TOX2: variants seen among roughly 807,000 people sequenced by gnomAD.
TOX2 encodes the protein granulosa cell HMG box 1.
A neutral mutation model predicts 47.4 loss-of-function variants in TOX2; 15 were observed. The ratio of observed to expected loss-of-function variants is 0.32; its 90% CI spans 0.21 to 0.49. The LOEUF (loss-of-function observed/expected upper bound fraction) is 0.49. Among genes scored for constraint, TOX2 ranks in the 20% least tolerant of loss-of-function variants. The pLI, the probability that TOX2 is intolerant of heterozygous loss-of-function variation, is 0.99. For missense variants in TOX2, 622 were observed against 673.1 expected (o/e 0.92, Z 0.84); for synonymous variants, 290 against 296.6 (o/e 0.98, Z 0.23).
chr20:43,932,499 T>C (rs1484743823), intron 1 of TOX2, among the ~76,000 whole-genome samples: 1 of 152,172 alleles, frequency 6.6e-6, no homozygotes, highest in African/African-American at 2.4e-5. Context: ...AAAAAATGAA[T>C]TAGGACGATT....
chr20:44,068,803 A>C lies in TOX2; in HGVS notation c.*117A>C. ...GGGTGGCCCATCGGAGAGAGCAGTG[A>C]CACACCCATTGCCCGGGGGCTGAGT... On this transcript the variant is annotated 3_prime_UTR_variant, in exon 9 of 9. Transcript: ENST00000341197. The C allele has an allele frequency of 7.2e-7, 1 of 1,382,460 alleles. No individual in the cohort carries two copies. The highest frequency in any genetic ancestry group is 1.0e-6 in the Non-Finnish European group (1 of 989,322). 85.6% of individuals were successfully genotyped at this position (1,382,460 alleles called of 1,614,324 possible).
intron 2 of TOX2, among the ~76,000 whole-genome samples, chr20:43,977,523 A>G (rs573523197): frequency 4.8e-4 from 73 of 152,180 alleles, no homozygotes; most frequent in African/African-American, 1.7e-3. Flanking sequence ...TAGGGTATGT[A>G]TTAGCTGACT....
intron 1 of TOX2, among the ~76,000 whole-genome samples, chr20:43,921,106 GCA>G (rs2069108501): frequency 6.6e-6 from 1 of 152,216 alleles, no homozygotes; most frequent in Non-Finnish European, 1.5e-5. Flanking sequence ...CCCCGCAGAG[GCA>G]CAGAGTCTTT....
chr20:43,949,709 G>A (rs1343558939), intron 1 of TOX2, among the ~76,000 whole-genome samples: 2 of 152,126 alleles, frequency 1.3e-5, no homozygotes, highest in Non-Finnish European at 1.5e-5. Flanking sequence ...GTGTGGTCAC[G>A]ACATCCACGG....
rs1385804520 is a variant in TOX2, at chr20:43,915,729, C to T, written c.99+739C>T. ...TTACTAATTGGCCGTCACTGCCTGG[C>T]GGGGCCTCGGATTCCGAGTAGGCTG... On this transcript the variant is annotated intron_variant, in intron 1 of 8. Transcript: ENST00000341197. This position sits in a 1 kb window ranked among gnomAD's most constrained non-coding sequence, Gnocchi z 7.1. Among the ~76,000 whole-genome samples, 1 of 152,252 alleles carries T rather than the reference C, an allele frequency of 6.6e-6. No individual in the cohort carries two copies. The highest frequency in any genetic ancestry group is 1.5e-5 in the Non-Finnish European group (1 of 68,042).
intron 3 of TOX2, among the ~76,000 whole-genome samples, chr20:44,012,713 G>A (rs965187065): frequency 2.0e-5 from 3 of 152,176 alleles, no homozygotes; most frequent in African/African-American, 7.2e-5. Context: ...AGGAAAATGG[G>A]TAGAATTGTT....
Position 44,054,379 on chromosome 20 carries a change from T to C in TOX2, c.732T>C (p.Asn244=). 5 of 1,612,194 alleles carry C rather than the reference T, an allele frequency of 3.1e-6. No homozygotes were observed. Among genetic ancestry groups the C allele is most frequent in the Non-Finnish European group, 4.2e-6 (5 of 1,179,498 alleles). The change falls in exon 5 of 9, where the codon AAT becomes AAC. Residue 244 remains asparagine, a synonymous_variant. Coordinates refer to ENST00000341197, the MANE Select transcript of TOX2 (RefSeq NM_001098797.2). ...NPKKKKKKDP[N]EPQKPVSAYA... ...AGAAGAAGAAAAAGAAGGACCCCAA[T>C]GAGCCGCAGAAGCCTGTGTCGGCCT...
chr20:44,037,726 C>T (rs78923090), intron 3 of TOX2, among the ~76,000 whole-genome samples: 3,402 of 151,782 alleles, frequency 0.022, 51 homozygotes, highest in South Asian at 0.067. Flanking sequence ...AAAACAAAGA[C>T]GTTGGGATCT....
chr20:43,948,540 G>A (rs1458673557), intron 1 of TOX2, among the ~76,000 whole-genome samples: 1 of 152,206 alleles, frequency 6.6e-6, no homozygotes, highest in Admixed American at 6.5e-5. Context: ...GAAATTGGGA[G>A]CAGGGGCAGG....
intron 5 of TOX2, among the ~76,000 whole-genome samples, chr20:44,059,165 G>A (rs1443580369): frequency 3.3e-5 from 5 of 152,054 alleles, no homozygotes; most frequent in African/African-American, 1.2e-4. Flanking sequence ...CAGTGAAATA[G>A]CATAAATAAA....
chr20:43,987,600 A>G (rs1240504406), intron 2 of TOX2, among the ~76,000 whole-genome samples: 1 of 152,246 alleles, frequency 6.6e-6, no homozygotes, highest in Non-Finnish European at 1.5e-5. Flanking sequence ...CAGGGCAGGC[A>G]GGGAAGGGAA....
intron 2 of TOX2, among the ~76,000 whole-genome samples, chr20:43,983,429 A>AC (rs2070204564): frequency 6.6e-6 from 1 of 152,068 alleles, no homozygotes; most frequent in South Asian, 2.1e-4. Flanking sequence ...GGGAGATGGT[A>AC]CCATCAGGAG....
chr20:43,977,689 T>C (rs944240308), intron 2 of TOX2, among the ~76,000 whole-genome samples: 2 of 152,180 alleles, frequency 1.3e-5, no homozygotes, highest in African/African-American at 4.8e-5. Flanking sequence ...TCTCCCTCCT[T>C]GGACCTTGGG....
At chr20:43,994,856 T>C (rs970792654) in intron 2 of TOX2, among the ~76,000 whole-genome samples, 2 of 152,186 alleles carry the variant, frequency 1.3e-5, no homozygotes, top group Non-Finnish European at 2.9e-5. Flanking sequence ...GATGCCTCTG[T>C]CTGCCCTGAT....
chr20:43,941,871 A>G (rs1338870076), intron 1 of TOX2, among the ~76,000 whole-genome samples: 1 of 152,182 alleles, frequency 6.6e-6, no homozygotes, highest in African/African-American at 2.4e-5. Context: ...CATCTCAGCA[A>G]TCTCAGAAGA....
At chr20:44,018,578 A>T (rs1036290538) in intron 3 of TOX2, among the ~76,000 whole-genome samples, 2 of 152,124 alleles carry the variant, frequency 1.3e-5, no homozygotes, top group Non-Finnish European at 2.9e-5. Context: ...AAAACTTGAG[A>T]TTTATTGGAG....
chr20:43,968,220 T>C (rs1313810934), intron 1 of TOX2, among the ~76,000 whole-genome samples: 1 of 152,224 alleles, frequency 6.6e-6, no homozygotes, highest in Non-Finnish European at 1.5e-5. Context: ...CATCCATTCA[T>C]CTACCCACTT....
chr20:44,048,607 A>C (rs947489525), intron 3 of TOX2, among the ~76,000 whole-genome samples: 2 of 151,590 alleles, frequency 1.3e-5, no homozygotes, highest in Non-Finnish European at 2.9e-5. Context: ...TCAATTTCTA[A>C]AGCTGATCAT....
chr20:44,061,817 G>T (rs538854447), intron 5 of TOX2, among the ~76,000 whole-genome samples: 18 of 152,080 alleles, frequency 1.2e-4, no homozygotes, highest in African/African-American at 4.3e-4. Flanking sequence ...ATGGATGCAG[G>T]GATGGTTTAA....
Sources: gnomAD v4.1 joint callset for allele counts (sites outside exome capture counted in the v4.1 genomes callset) on GRCh38, gnomAD v4.1.1 for gene constraint, Gnocchi (gnomAD v3.1) non-coding constraint, MANE v1.5 for transcripts, NCBI Gene and HGNC (gene_info 2026-07-23, HGNC 2026-07-21) for gene names.